Variants in NUDCD3 observed in about 807,000 individuals in gnomAD.
NUDCD3 encodes nudC domain-containing protein 3.
Under a neutral mutation model 39.7 loss-of-function variants are expected in NUDCD3, and 13 were observed. That is an observed-to-expected ratio of 0.33 (90% confidence interval 0.21 to 0.52). NUDCD3 has a LOEUF of 0.52. Among genes scored for constraint, NUDCD3 ranks in the 20% least tolerant of loss-of-function variants. NUDCD3 has a pLI of 0.96. For synonymous variants in NUDCD3, 175 were observed against 172.4 expected (o/e 1.02, Z -0.12); for missense variants, 453 against 458.1 (o/e 0.99, Z 0.10).
At chr7:44,453,532 A>G (rs1052305901) in intron 2 of NUDCD3, among the ~76,000 whole-genome samples, 7 of 152,176 alleles carry the variant, frequency 4.6e-5, no homozygotes, top group Non-Finnish European at 1.0e-4. Context: ...TCCTGCTCCT[A>G]TAACTCTGTA....
At chr7:44,388,945 T>A (rs2116856577) in intron 5 of NUDCD3, among the ~76,000 whole-genome samples, 1 of 152,364 alleles carries the variant, frequency 6.6e-6, no homozygotes, top group Admixed American at 6.5e-5. Context: ...GTTCTTTGAA[T>A]CCTTCCTAAC....
intron 2 of NUDCD3, among the ~76,000 whole-genome samples, chr7:44,429,186 T>C (rs1442888817): frequency 2.0e-5 from 3 of 152,274 alleles, no homozygotes; most frequent in African/African-American, 4.8e-5. Flanking sequence ...GGCTGGGCAA[T>C]AGTGGCTGTT....
chr7:44,410,447 G>T (rs956418924), intron 3 of NUDCD3, among the ~76,000 whole-genome samples: 1 of 151,974 alleles, frequency 6.6e-6, no homozygotes, highest in Non-Finnish European at 1.5e-5. Flanking sequence ...TGGATCACGA[G>T]GTCAGAAGAT....
intron 2 of NUDCD3, among the ~76,000 whole-genome samples, chr7:44,432,108 C>T (rs1362899623): frequency 1.3e-5 from 2 of 152,136 alleles, no homozygotes; most frequent in African/African-American, 2.4e-5. Flanking sequence ...CGTAGGAAGA[C>T]CCATCTCTAC....
intron 2 of NUDCD3, among the ~76,000 whole-genome samples, chr7:44,468,768 C>T (rs1800187554): frequency 6.6e-6 from 1 of 152,042 alleles, no homozygotes; most frequent in Non-Finnish European, 1.5e-5. Context: ...GAATTCAAAC[C>T]TGGAACTTCC....
intron 2 of NUDCD3, among the ~76,000 whole-genome samples, chr7:44,470,067 C>CT (rs1800222554): frequency 6.6e-6 from 1 of 152,218 alleles, no homozygotes; most frequent in Admixed American, 6.5e-5. Context: ...ATAAAAGACT[C>CT]TAACATTTGG....
chr7:44,488,355 A>AAAG (rs1260483395), intron 1 of NUDCD3, among the ~76,000 whole-genome samples: 21 of 151,738 alleles, frequency 1.4e-4, no homozygotes, highest in Non-Finnish European at 2.5e-4. Context: ...AAAAAAAAAA[A>AAAG]AAGAAAGAAA....
At chr7:44,391,432 A>C (rs1263320111) in intron 5 of NUDCD3, among the ~76,000 whole-genome samples, 1 of 152,218 alleles carries the variant, frequency 6.6e-6, no homozygotes, top group East Asian at 1.9e-4. Context: ...GGAAGGTAAG[A>C]CTAAGACAAT....
chr7:44,379,794 C>G lies in NUDCD3; in HGVS notation c.*6217G>C, dbSNP rs1297723039. On this transcript the variant is annotated 3_prime_UTR_variant, in exon 6 of 6. Transcript: ENST00000355451. ...AAGACAGGCTGGACCTGGCTGTGGC[C>G]CCTTGAATGGTGGCAGGGAGACCAC... The G allele has an allele frequency of 6.6e-6, 1 of 152,230 alleles. No homozygotes were observed. Among genetic ancestry groups the G allele is most frequent in the East Asian group, 1.9e-4 (1 of 5,192 alleles). 9.4% of individuals were successfully genotyped at this position (152,230 alleles called of 1,614,324 possible). A position where few individuals can be genotyped will look rare whatever the true frequency, so the allele number is the denominator to read the frequency against.
intron 3 of NUDCD3, among the ~76,000 whole-genome samples, chr7:44,406,051 A>C (rs1217594995): frequency 1.3e-5 from 2 of 152,190 alleles, no homozygotes; most frequent in Non-Finnish European, 2.9e-5. Flanking sequence ...CTACTGCCTC[A>C]GCCTCCCAAA....
intron 1 of NUDCD3, among the ~76,000 whole-genome samples, chr7:44,488,267 G>A (rs975867009): frequency 1.5e-4 from 22 of 150,614 alleles, no homozygotes; most frequent in Non-Finnish European, 2.4e-4. Context: ...CCCAGGAGGC[G>A]GAGGTTGCAG....
intron 2 of NUDCD3, among the ~76,000 whole-genome samples, chr7:44,453,074 C>T (rs542923004): frequency 2.0e-5 from 3 of 152,220 alleles, no homozygotes; most frequent in South Asian, 2.1e-4. Flanking sequence ...CAATGTTGGC[C>T]GGGTGCGGTG....
rs1798390011 is a variant in NUDCD3 at position 44,385,713 on chromosome 7, T to A, written c.*298A>T. ...GGAAAGACATGCTGCCTGCAGTGGC[T>A]GGTTGCTGTGGAGACAAAAGCATGT... On this transcript the variant is annotated 3_prime_UTR_variant, in exon 6 of 6. Coordinates refer to ENST00000355451, the MANE Select transcript of NUDCD3 (RefSeq NM_015332.4). 5.1e-6 allele frequency: 2 copies of A among 394,904 alleles called. No homozygotes were observed. 24.5% of individuals were successfully genotyped at this position (394,904 alleles called of 1,614,324 possible).
At chr7:44,390,867 A>G (rs1231528545) in intron 5 of NUDCD3, among the ~76,000 whole-genome samples, 1 of 152,178 alleles carries the variant, frequency 6.6e-6, no homozygotes, top group Non-Finnish European at 1.5e-5. Flanking sequence ...CTGTCTAAGC[A>G]CCTGAGCTGA....
At chr7:44,471,334 TC>T (rs1311215454) in intron 2 of NUDCD3, among the ~76,000 whole-genome samples, 4 of 152,256 alleles carry the variant, frequency 2.6e-5, no homozygotes. Context: ...ATTTGTATTA[TC>T]TTTATTGTTG....
chr7:44,382,598 G>T lies in NUDCD3; in HGVS notation c.*3413C>A, dbSNP rs1306397345. On this transcript the variant is annotated 3_prime_UTR_variant, in exon 6 of 6. Transcript: ENST00000355451. Reference sequence around the variant, plus strand: ...GTCAGACGGTAGAGAGGAGCCTCAGGGACATAGCCCAGTTCTTCAGGACCG... The same window carrying T: ...GTCAGACGGTAGAGAGGAGCCTCAGTGACATAGCCCAGTTCTTCAGGACCG... 6.6e-6 allele frequency: 1 copy of T among 152,270 alleles called. No individual in the cohort carries two copies. 9.4% of individuals were successfully genotyped at this position (152,270 alleles called of 1,614,324 possible). A position where few individuals can be genotyped will look rare whatever the true frequency, so the allele number is the denominator to read the frequency against.
At chr7:44,440,496 G>GAAAA (rs72065068) in intron 2 of NUDCD3, among the ~76,000 whole-genome samples, 647 of 48,362 alleles carry the variant, frequency 0.013, 13 homozygotes, top group African/African-American at 0.044. Flanking sequence ...CAGAAAAATT[G>GAAAA]AAAAAAAAAA....
chr7:44,402,188 C>G (rs1798739619), intron 4 of NUDCD3, among the ~76,000 whole-genome samples: 1 of 152,234 alleles, frequency 6.6e-6, no homozygotes, highest in Admixed American at 6.5e-5. Context: ...CTTACCTTCT[C>G]ATAGCCTCAA....
chr7:44,470,847 C>A (rs991223156), intron 2 of NUDCD3, among the ~76,000 whole-genome samples: 1 of 152,170 alleles, frequency 6.6e-6, no homozygotes, highest in Non-Finnish European at 1.5e-5. Context: ...CAAACTACTA[C>A]CAAGTTCAAA....
Sources: gnomAD v4.1 joint callset for allele counts (sites outside exome capture counted in the v4.1 genomes callset) on GRCh38, gnomAD v4.1.1 for gene constraint, MANE v1.5 for transcripts, NCBI Gene and HGNC (gene_info 2026-07-23, HGNC 2026-07-21) for gene names.